The following KLHL32 variants were observed in gnomAD, a reference collection of about 807,000 sequenced individuals.
KLHL32 encodes the protein kelch like family member 32.
Under a neutral mutation model 64.8 loss-of-function variants are expected in KLHL32, and 35 were observed. The ratio of observed to expected loss-of-function variants is 0.54; its 90% confidence interval spans 0.41 to 0.72. The LOEUF (loss-of-function observed/expected upper bound fraction) is 0.72, where lower values mean the gene tolerates loss of function less well. Ranked by LOEUF, KLHL32 falls within the 30% of genes least tolerant of loss-of-function variation. The pLI, the probability that KLHL32 is intolerant of heterozygous loss-of-function variation, is 0.00. For synonymous variants in KLHL32, 259 were observed against 281.0 expected, an observed-to-expected ratio of 0.92 and a Z score of 0.78; for missense variants, 589 against 768.5, an observed-to-expected ratio of 0.77 and a Z score of 2.76.
intron 3 of KLHL32, among the ~76,000 whole-genome samples, chr6:96,998,409 C>G (rs1167122984): frequency 6.6e-6 from 1 of 152,084 alleles, no homozygotes; most frequent in Non-Finnish European, 1.5e-5. Context: ...ACAACATACA[C>G]TAAATCTCTT....
chr6:96,956,972 T>A (rs1308893192), intron 1 of KLHL32, among the ~76,000 whole-genome samples: 1 of 152,214 alleles, frequency 6.6e-6, no homozygotes, highest in Non-Finnish European at 1.5e-5. Context: ...AATTTGTACC[T>A]CTCTCAATAG....
rs571433117 is a variant in KLHL32 at position 97,099,380 on chromosome 6, G to T, written c.627+14039G>T. On this transcript the variant is annotated intron_variant, in intron 6 of 10. Transcript: ENST00000369261. ...CAGTGTGGCCTTCTCTATCTTCAGG[G>T]TTCACCTTGCTCTTCCTCCTAATCT... Among the ~76,000 whole-genome samples, 3 of 152,296 alleles carry T rather than the reference G, an allele frequency of 2.0e-5. No homozygotes were observed. The East Asian group carries it at 5.8e-4, about 29-fold the overall frequency.
At chr6:96,939,905 C>T (rs996930378) in intron 1 of KLHL32, among the ~76,000 whole-genome samples, 1 of 151,842 alleles carries the variant, frequency 6.6e-6, no homozygotes, top group Non-Finnish European at 1.5e-5. Context: ...GTAGCTTAGC[C>T]TAGGGAGGTG....
At chr6:97,088,992 A>G (rs1793831967) in intron 6 of KLHL32, among the ~76,000 whole-genome samples, 1 of 152,232 alleles carries the variant, frequency 6.6e-6, no homozygotes, top group African/African-American at 2.4e-5. Flanking sequence ...TATATAGAAA[A>G]ATATAACATC....
chr6:97,140,075 G>T lies in KLHL32; in HGVS notation c.*793G>T, dbSNP rs1434731560. 6.6e-6 allele frequency: 1 copy of T among 151,998 alleles called. No individual in the cohort carries two copies. Among genetic ancestry groups the T allele is most frequent in the African/African-American group, 2.4e-5 (1 of 41,398 alleles). The allele number at this position is 151,998 out of a possible 1,614,324, so 9.4% of individuals were successfully genotyped here. A position where few individuals can be genotyped will look rare whatever the true frequency, so the allele number is the denominator to read the frequency against. ...TCTTTAGAACCTTGTAATTGAACAGGGAGATTATTTTTGAAGTTTAAAAAT... is the reference window on the plus strand; with the variant it reads ...TCTTTAGAACCTTGTAATTGAACAGTGAGATTATTTTTGAAGTTTAAAAAT... On this transcript the variant is annotated 3_prime_UTR_variant, in exon 11 of 11. Transcript: ENST00000369261.
chr6:96,991,552 G>A (rs1023413122), intron 3 of KLHL32, among the ~76,000 whole-genome samples: 2 of 152,054 alleles, frequency 1.3e-5, no homozygotes, highest in Non-Finnish European at 2.9e-5. Flanking sequence ...GTTCAGGCCA[G>A]GGCAGGGCGG....
intron 6 of KLHL32, among the ~76,000 whole-genome samples, chr6:97,111,034 G>GA (rs919808215): frequency 6.7e-5 from 10 of 148,494 alleles, no homozygotes; most frequent in African/African-American, 2.6e-4. Context: ...AAGTCTTGGG[G>GA]GGGGGGGGTC....
intron 6 of KLHL32, among the ~76,000 whole-genome samples, chr6:97,088,428 C>A (rs1327377152): frequency 6.6e-6 from 1 of 152,182 alleles, no homozygotes; most frequent in Non-Finnish European, 1.5e-5. Context: ...CAGATATTAG[C>A]TCCCAATTAG....
intron 3 of KLHL32, among the ~76,000 whole-genome samples, chr6:96,981,446 C>G (rs939461903): frequency 6.6e-6 from 1 of 151,834 alleles, no homozygotes; most frequent in African/African-American, 2.4e-5. Context: ...TTCTGTCTTT[C>G]TTTTATTAGT....
intron 1 of KLHL32, among the ~76,000 whole-genome samples, chr6:96,946,696 T>C (rs112907048): frequency 2.0e-5 from 3 of 152,312 alleles, no homozygotes; most frequent in African/African-American, 7.2e-5. Context: ...TTTCATCTTA[T>C]GTTTTTGCCA....
intron 3 of KLHL32, among the ~76,000 whole-genome samples, chr6:97,004,519 T>C (rs1470184427): frequency 6.6e-6 from 1 of 152,190 alleles, no homozygotes; most frequent in African/African-American, 2.4e-5. Flanking sequence ...CTGTGTTGAA[T>C]AGGAGTGGTG....
intron 1 of KLHL32, among the ~76,000 whole-genome samples, chr6:96,956,034 G>T (rs993834377): frequency 2.0e-4 from 31 of 152,148 alleles, no homozygotes; most frequent in Middle Eastern, 3.2e-3. Flanking sequence ...GGCTGGTGAG[G>T]CCTCACAATC....
rs116091499 is a variant in KLHL32 at position 97,088,883 on chromosome 6, G to A, written c.627+3542G>A. Among the ~76,000 whole-genome samples, 252 of 152,208 alleles carry A rather than the reference G, an allele frequency of 1.7e-3. 1 individual carries two copies. The highest frequency in any genetic ancestry group is 5.2e-3 in the African/African-American group (217 of 41,532). On this transcript the variant is annotated intron_variant, in intron 6 of 10. Transcript: ENST00000369261. ...TGAGTAAGCTCTGTTTTCTTTTCAGGAACATGCATTTCCTGCCTCTTCTGC... is the reference window on the plus strand; with the variant it reads ...TGAGTAAGCTCTGTTTTCTTTTCAGAAACATGCATTTCCTGCCTCTTCTGC...
chr6:97,123,040 A>G (rs1276267930), intron 7 of KLHL32, among the ~76,000 whole-genome samples: 2 of 152,220 alleles, frequency 1.3e-5, no homozygotes, highest in Non-Finnish European at 2.9e-5. Flanking sequence ...CTGTCCTGGT[A>G]GTGCGTTAGC....
At chr6:96,944,727 C>T (rs956480753) in intron 1 of KLHL32, among the ~76,000 whole-genome samples, 5 of 152,160 alleles carry the variant, frequency 3.3e-5, no homozygotes, top group African/African-American at 7.2e-5. Context: ...GGTTAGAAGA[C>T]GAGATTTGTT....
chr6:96,949,240 C>G (rs748085696), intron 1 of KLHL32, among the ~76,000 whole-genome samples: 1 of 152,150 alleles, frequency 6.6e-6, no homozygotes, highest in African/African-American at 2.4e-5. Flanking sequence ...GAATTAATAA[C>G]TTTTCAAATG....
intron 3 of KLHL32, among the ~76,000 whole-genome samples, chr6:97,022,360 T>C (rs1041439577): frequency 6.6e-6 from 1 of 150,796 alleles, no homozygotes; most frequent in African/African-American, 2.5e-5. Context: ...CCTGGATTAC[T>C]CCTCTAGATA....
chr6:97,071,852 C>T (rs1036638194), intron 5 of KLHL32, among the ~76,000 whole-genome samples: 2 of 152,194 alleles, frequency 1.3e-5, no homozygotes, highest in African/African-American at 4.8e-5. Context: ...CTCAGCTGCG[C>T]TCCCTGCCTG....
chr6:97,041,362 G>C (rs1785088646), intron 3 of KLHL32, 130 bp from the exon 4 acceptor site: 2 of 623,072 alleles, frequency 3.2e-6, no homozygotes, highest in Admixed American at 5.4e-5. Context: ...ACACTTTCTA[G>C]AAGCATTTCA....
Sources: gnomAD v4.1 joint callset for allele counts (sites outside exome capture counted in the v4.1 genomes callset) on GRCh38, gnomAD v4.1.1 for gene constraint, MANE v1.5 for transcripts, NCBI Gene and HGNC (gene_info 2026-07-23, HGNC 2026-07-21) for gene names.